GAD2: variants seen among roughly 807,000 people sequenced by gnomAD.
The protein encoded by GAD2 is 65 kDa glutamic acid decarboxylase.
In GAD2, 22 loss-of-function variants were observed where a neutral mutation model predicts 80.1. The observed-to-expected ratio is 0.27, with a 90% CI of 0.20 to 0.39. The LOEUF is 0.39. GAD2 is among the 10% of genes least tolerant of loss of function. The pLI, the probability that GAD2 is intolerant of heterozygous loss-of-function variation, is 1.00. For synonymous variants in GAD2, 274 were observed against 256.9 expected (o/e 1.07, Z -0.64); for missense variants, 624 against 738.4 (o/e 0.85, Z 1.80).
chr10:26,227,946 G>A (rs1282516447), intron 6 of GAD2, among the ~76,000 whole-genome samples: 2 of 152,240 alleles, frequency 1.3e-5, no homozygotes. Context: ...ATGTGTCTGG[G>A]TGATGAGTGC....
chr10:26,239,458 C>G (rs1318738877), intron 7 of GAD2, among the ~76,000 whole-genome samples: 1 of 152,168 alleles, frequency 6.6e-6, no homozygotes, highest in African/African-American at 2.4e-5. Context: ...AGAGCCACAC[C>G]AACATTGGGA....
chr10:26,224,378 T>C (rs2298124), intron 5 of GAD2, among the ~76,000 whole-genome samples, 161 bp from the exon 6 acceptor site: 9,297 of 152,314 alleles, frequency 0.061, 365 homozygotes, highest in Non-Finnish European at 0.085. Flanking sequence ...ATAAACATTT[T>C]GGAAGGCCTT....
intron 7 of GAD2, among the ~76,000 whole-genome samples, chr10:26,245,077 C>T (rs1298941703): frequency 7.4e-5 from 11 of 149,424 alleles, no homozygotes; most frequent in Admixed American, 4.0e-4. Context: ...CACTGGAACC[C>T]GGGAGGCAGG....
intron 8 of GAD2, among the ~76,000 whole-genome samples, chr10:26,256,771 G>A (rs115818857): frequency 0.015 from 2,320 of 152,314 alleles, 55 homozygotes; most frequent in African/African-American, 0.052. Flanking sequence ...TGAAGGCAGT[G>A]TCTGCCAGGT....
At chr10:26,222,039 T>A (rs917392777) in intron 4 of GAD2, among the ~76,000 whole-genome samples, 1 of 152,178 alleles carries the variant, frequency 6.6e-6, no homozygotes, top group Non-Finnish European at 1.5e-5. Flanking sequence ...AGAGAGCCTG[T>A]TGATCTGACC....
At chr10:26,252,538 T>C (rs1468111687) in intron 8 of GAD2, among the ~76,000 whole-genome samples, 2 of 151,908 alleles carry the variant, frequency 1.3e-5, no homozygotes, top group Non-Finnish European at 2.9e-5. Flanking sequence ...AGACAGGATC[T>C]TATCATGTCA....
intron 4 of GAD2, among the ~76,000 whole-genome samples, chr10:26,220,552 CAATT>C (rs572751526): frequency 1.6e-4 from 24 of 152,270 alleles, no homozygotes; most frequent in African/African-American, 5.8e-4. Flanking sequence ...ACATCATCCT[CAATT>C]AACGTTCATG....
rs186139190 is a variant in GAD2, at chr10:26,290,737, G to C, written c.1387-1728G>C. On this transcript the variant is annotated intron_variant, in intron 13 of 15. Transcript: ENST00000376261. The stretch of plus-strand genomic sequence containing the variant: ...ATGTCAAACCCCAAGACCACATAGA[G>C]GCAGCAGCTGAACACTTGGATGGTG... Among the ~76,000 whole-genome samples the C allele has an allele frequency of 2.0e-5, 3 of 152,332 alleles. No homozygotes were observed. The East Asian group carries it at 5.8e-4, about 29-fold the overall frequency.
intron 8 of GAD2, among the ~76,000 whole-genome samples, chr10:26,261,482 G>A (rs536386785): frequency 2.0e-5 from 3 of 152,198 alleles, no homozygotes; most frequent in South Asian, 2.1e-4. Flanking sequence ...TTAATCCTTC[G>A]TTAAATGTGT....
In GAD2 at chr10:26,216,804, A is replaced by G. The variant is rs1416418052; in HGVS notation, c.-6A>G. On this transcript the variant is annotated 5_prime_UTR_variant, in exon 1 of 16. Coordinates refer to ENST00000376261, the MANE Select transcript of GAD2 (RefSeq NM_001134366.2). The surrounding 1 kb of genome is among the most constrained non-coding windows in gnomAD (Gnocchi z 4.7). ...CGCAGGCGACCTGCTCCAGTCTCCA[A>G]AGCCGATGGCATCTCCGGGCTCTGG... 19 of 1,611,314 alleles carry G rather than the reference A, an allele frequency of 1.2e-5. No homozygotes were observed. The highest frequency in any genetic ancestry group is 1.6e-5 in the Non-Finnish European group (19 of 1,178,882).
At chr10:26,225,178 A>G (rs780621025) in intron 6 of GAD2, among the ~76,000 whole-genome samples, 27 of 152,232 alleles carry the variant, frequency 1.8e-4, no homozygotes, top group Admixed American at 3.9e-4. Flanking sequence ...AATTTCTTAG[A>G]GCAAAAATAG....
At chr10:26,235,093 C>T (rs1426844995) in intron 7 of GAD2, among the ~76,000 whole-genome samples, 4 of 152,152 alleles carry the variant, frequency 2.6e-5, no homozygotes, top group African/African-American at 4.8e-5. Flanking sequence ...AGGCTGGTCT[C>T]GAACTCCTGA....
intron 8 of GAD2, among the ~76,000 whole-genome samples, chr10:26,265,051 A>T (rs1845054133): frequency 6.6e-6 from 1 of 152,178 alleles, no homozygotes; most frequent in African/African-American, 2.4e-5. Context: ...GGAATTAGGC[A>T]TGAAACTGGG....
At chr10:26,295,117 C>A (rs1834258809) in intron 15 of GAD2, among the ~76,000 whole-genome samples, 1 of 151,838 alleles carries the variant, frequency 6.6e-6, no homozygotes, top group African/African-American at 2.4e-5. Flanking sequence ...CAAAAGTCAA[C>A]TTGGAGGCTC....
upstream of GAD2, chr10:26,216,584 A>C: frequency 2.5e-6 from 1 of 396,896 alleles, no homozygotes; most frequent in South Asian, 5.1e-5. This position sits in a 1 kb window ranked among gnomAD's most constrained non-coding sequence, Gnocchi z 4.7. Flanking sequence ...CGGCTTCCAA[A>C]GGGTTGCCAC....
At position 26,217,121 on chromosome 10, in the gene GAD2, GC is replaced by G. The variant is rs910822958; in HGVS notation, c.76+242del. Among the ~76,000 whole-genome samples, 21 of 151,982 alleles carry G rather than the reference GC, an allele frequency of 1.4e-4. No individual in the cohort carries two copies. Among genetic ancestry groups the G allele is most frequent in the Admixed American group, 2.6e-4 (4 of 15,252 alleles). Reference sequence around the variant, plus strand: ...GCCCGTTCCACAGAAGGTTGGAAGAGCCCCCCAAAGACCGCGGTGTCTCGGG... The same window carrying G: ...GCCCGTTCCACAGAAGGTTGGAAGAGCCCCCAAAGACCGCGGTGTCTCGGG... On this transcript the variant is annotated intron_variant, in intron 1 of 15. Transcript: ENST00000376261. This position sits in a 1 kb window ranked among gnomAD's most constrained non-coding sequence, Gnocchi z 4.9.
intron 7 of GAD2, among the ~76,000 whole-genome samples, chr10:26,232,805 C>T (rs953606153): frequency 6.6e-6 from 1 of 152,058 alleles, no homozygotes; most frequent in Non-Finnish European, 1.5e-5. Flanking sequence ...GCCCAGACTA[C>T]TTCTTCATTT....
intron 11 of GAD2, among the ~76,000 whole-genome samples, chr10:26,277,550 G>A (rs1312957138): frequency 6.6e-6 from 1 of 152,198 alleles, no homozygotes; most frequent in Non-Finnish European, 1.5e-5. Context: ...TTAGAGAGGA[G>A]ACGGGAGCCA....
At chr10:26,274,048 A>C (rs966531183) in intron 11 of GAD2, among the ~76,000 whole-genome samples, 18 of 152,212 alleles carry the variant, frequency 1.2e-4, no homozygotes, top group African/African-American at 4.3e-4. Flanking sequence ...TTTACTAGGG[A>C]GAAGATTTAT....
Sources: gnomAD v4.1 joint callset for allele counts (sites outside exome capture counted in the v4.1 genomes callset) on GRCh38, gnomAD v4.1.1 for gene constraint, Gnocchi (gnomAD v3.1) non-coding constraint, MANE v1.5 for transcripts, NCBI Gene and HGNC (gene_info 2026-07-23, HGNC 2026-07-21) for gene names.